The following PGM5 variants were observed in gnomAD, a reference collection of about 807,000 sequenced individuals.
The protein encoded by PGM5 is phosphoglucomutase-like protein 5.
A neutral mutation model predicts 59.2 loss-of-function variants in PGM5; 23 were observed. That is an observed-to-expected ratio of 0.39 (90% CI 0.28 to 0.55). PGM5 has a LOEUF of 0.55. PGM5 is among the 20% of genes least tolerant of loss of function. PGM5 has a pLI of 0.66. For missense variants in PGM5, 574 were observed against 748.3 expected, an observed-to-expected ratio of 0.77 and a Z score of 2.72; for synonymous variants, 214 against 286.0, an observed-to-expected ratio of 0.75 and a Z score of 2.54.
rs568712936 is a variant in PGM5 at position 68,390,408 on chromosome 9, G to A, written c.698-1126G>A. ...CTAGAAGATGGAGGACGCTGATTGC[G>A]CAGACATAGGTCACCTCCTTAGCCT... On this transcript the variant is annotated intron_variant, in intron 4 of 10. Coordinates refer to ENST00000396396, the MANE Select transcript of PGM5 (RefSeq NM_021965.4). Among the ~76,000 whole-genome samples, 5 of 152,256 alleles carry A rather than the reference G, an allele frequency of 3.3e-5. No individual in the cohort carries two copies. The South Asian group carries it at 6.2e-4, about 19-fold the overall frequency.
chr9:68,445,881 T>C (rs1823603408), intron 6 of PGM5, among the ~76,000 whole-genome samples: 1 of 152,252 alleles, frequency 6.6e-6, no homozygotes. Context: ...TGCTCTACCA[T>C]GTATCTGGGG....
chr9:68,482,708 G>A (rs1480768579), intron 8 of PGM5, among the ~76,000 whole-genome samples: 1 of 152,184 alleles, frequency 6.6e-6, no homozygotes, highest in Non-Finnish European at 1.5e-5. Flanking sequence ...TTCTTAAACA[G>A]ACAGTCCTAG....
At chr9:68,511,662 T>C (rs1824753329) in intron 10 of PGM5, among the ~76,000 whole-genome samples, 1 of 148,418 alleles carries the variant, frequency 6.7e-6, no homozygotes, top group Non-Finnish European at 1.5e-5. Context: ...GCAATTCTCC[T>C]GCCTCAGCTT....
At chr9:68,527,542 C>T (rs1825003450) in intron 10 of PGM5, among the ~76,000 whole-genome samples, 1 of 152,096 alleles carries the variant, frequency 6.6e-6, no homozygotes, top group Admixed American at 6.5e-5. Flanking sequence ...AATAGAGATC[C>T]CTCTATCTTG....
chr9:68,436,030 T>A (rs1193426193), intron 6 of PGM5, among the ~76,000 whole-genome samples: 1 of 151,932 alleles, frequency 6.6e-6, no homozygotes, highest in Admixed American at 6.6e-5. Flanking sequence ...CCTGAAGGAG[T>A]TACTGTGCCA....
Position 68,378,378 on chromosome 9 carries a change from A to T in PGM5, c.424+17A>T. The T allele has an allele frequency of 6.3e-7, 1 of 1,585,204 alleles. No homozygotes were observed. The highest frequency in any genetic ancestry group is 8.6e-7 in the Non-Finnish European group (1 of 1,167,754). On this transcript the variant is annotated intron_variant, in intron 2 of 10. Transcript: ENST00000396396. ...CCAATGGAGGTATGTGGTTCAGCATATGCCTTAATAATTACGATTTCTTTC... is the reference window on the plus strand; with the variant it reads ...CCAATGGAGGTATGTGGTTCAGCATTTGCCTTAATAATTACGATTTCTTTC...
chr9:68,516,141 A>C (rs1451225192), intron 10 of PGM5, among the ~76,000 whole-genome samples: 1 of 152,218 alleles, frequency 6.6e-6, no homozygotes. Flanking sequence ...TTGAACCTAG[A>C]TTTGGGCCTC....
At chr9:68,432,108 C>CTGTA (rs1421068057) in intron 6 of PGM5, among the ~76,000 whole-genome samples, 4 of 152,120 alleles carry the variant, frequency 2.6e-5, no homozygotes, top group African/African-American at 7.2e-5. Flanking sequence ...TACAGAATCA[C>CTGTA]TATTAACAGT....
At chr9:68,399,673 T>G (rs1240989561) in intron 6 of PGM5, among the ~76,000 whole-genome samples, 1 of 152,070 alleles carries the variant, frequency 6.6e-6, no homozygotes, top group African/African-American at 2.4e-5. Flanking sequence ...CTTTTTAGTC[T>G]GATGAATTTG....
At chr9:68,393,157 C>T (rs1209597414) in intron 6 of PGM5, among the ~76,000 whole-genome samples, 13 of 151,974 alleles carry the variant, frequency 8.6e-5, no homozygotes, top group Admixed American at 2.6e-4. Context: ...TCAACCAGCA[C>T]GTGTTATTAT....
Position 68,452,693 on chromosome 9 carries a change from G to A in PGM5, c.1044-12400G>A, listed in dbSNP as rs115852828. 6.9e-3 allele frequency among the ~76,000 whole-genome samples: 1,049 copies of A among 152,302 alleles called. 11 individuals are homozygous for A. The highest frequency in any genetic ancestry group is 0.024 in the African/African-American group (987 of 41,552). On this transcript the variant is annotated intron_variant, in intron 6 of 10. Coordinates refer to ENST00000396396, the MANE Select transcript of PGM5 (RefSeq NM_021965.4). The stretch of plus-strand genomic sequence containing the variant: ...CATGTCACTCAGATACCAAACAGAC[G>A]TACTGTCAGCCACATTCACTAGCCA...
At chr9:68,427,812 C>T (rs953773900) in intron 6 of PGM5, among the ~76,000 whole-genome samples, 2 of 152,122 alleles carry the variant, frequency 1.3e-5, no homozygotes, top group Non-Finnish European at 2.9e-5. Context: ...TCCATGATGC[C>T]TCTGGTAGTG....
At chr9:68,443,984 G>A (rs1823571124) in intron 6 of PGM5, among the ~76,000 whole-genome samples, 1 of 151,988 alleles carries the variant, frequency 6.6e-6, no homozygotes, top group Non-Finnish European at 1.5e-5. Flanking sequence ...AGATATGGTG[G>A]AGCCCATTTG....
rs905812960 is a variant in PGM5, at chr9:68,501,566, C to T, written c.1614+2205C>T. Among the ~76,000 whole-genome samples the T allele has an allele frequency of 3.3e-5, 5 of 152,210 alleles. 1 individual carries two copies. The East Asian group carries it at 9.6e-4, about 29-fold the overall frequency. On this transcript the variant is annotated intron_variant, in intron 10 of 10. Coordinates refer to ENST00000396396, the MANE Select transcript of PGM5 (RefSeq NM_021965.4). ...ACAGAGATAAAAGTAAGATGTACTCCTGAAGCTGCTAGTGTTATTCCTGAT... is the reference window on the plus strand; with the variant it reads ...ACAGAGATAAAAGTAAGATGTACTCTTGAAGCTGCTAGTGTTATTCCTGAT...
chr9:68,486,741 AC>A (rs1824303109), intron 9 of PGM5, among the ~76,000 whole-genome samples: 1 of 152,198 alleles, frequency 6.6e-6, no homozygotes, highest in Non-Finnish European at 1.5e-5. Flanking sequence ...ACATCCATCT[AC>A]AAGTTTTTGT....
intron 1 of PGM5, among the ~76,000 whole-genome samples, chr9:68,373,132 T>G (rs1442741635): frequency 1.4e-5 from 2 of 141,408 alleles, no homozygotes; most frequent in African/African-American, 5.3e-5. Flanking sequence ...ATCCTATTAT[T>G]AAAATCCTCC....
chr9:68,440,745 A>G (rs1432973699), intron 6 of PGM5, among the ~76,000 whole-genome samples: 1 of 152,076 alleles, frequency 6.6e-6, no homozygotes, highest in Non-Finnish European at 1.5e-5. Context: ...TCAATAAACT[A>G]TGCTTCTACT....
intron 6 of PGM5, among the ~76,000 whole-genome samples, chr9:68,447,436 G>A (rs1377570018): frequency 6.6e-6 from 1 of 152,174 alleles, no homozygotes; most frequent in Non-Finnish European, 1.5e-5. Context: ...GAGAGAGAGA[G>A]AGCTGGCTTT....
intron 3 of PGM5, among the ~76,000 whole-genome samples, chr9:68,385,999 G>C (rs1822207792): frequency 6.6e-6 from 1 of 151,522 alleles, no homozygotes; most frequent in South Asian, 2.1e-4. Flanking sequence ...TCACTTTAAA[G>C]TGTCAAGAGC....
Sources: gnomAD v4.1 joint callset for allele counts (sites outside exome capture counted in the v4.1 genomes callset) on GRCh38, gnomAD v4.1.1 for gene constraint, MANE v1.5 for transcripts, NCBI Gene and HGNC (gene_info 2026-07-23, HGNC 2026-07-21) for gene names.